SLC6A6: variants seen among roughly 807,000 people sequenced by gnomAD.
The protein encoded by SLC6A6 is solute carrier family 6 member 6.
Under a neutral mutation model 68.8 loss-of-function variants are expected in SLC6A6, and 16 were observed. That is an observed-to-expected ratio of 0.23 (90% CI 0.16 to 0.35). The LOEUF is 0.35. Ranked by LOEUF, SLC6A6 falls within the 10% of genes least tolerant of loss-of-function variation. SLC6A6 has a pLI of 1.00. For missense variants in SLC6A6, 474 were observed against 802.8 expected, an observed-to-expected ratio of 0.59 and a Z score of 4.95; for synonymous variants, 312 against 315.4, an observed-to-expected ratio of 0.99 and a Z score of 0.12.
chr3:14,485,314 G>T lies in SLC6A6; in HGVS notation c.*307G>T. 1 of 220,774 alleles carries T rather than the reference G, an allele frequency of 4.5e-6. No homozygotes were observed. Among genetic ancestry groups the T allele is most frequent in the Non-Finnish European group, 8.9e-6 (1 of 112,878 alleles). 13.7% of individuals were successfully genotyped at this position (220,774 alleles called of 1,614,324 possible). ...ATGGGAATTTGGTAAATTTTTCTTT[G>T]TATTTTTTTTTTTACATATAAGTAT... On this transcript the variant is annotated 3_prime_UTR_variant, in exon 15 of 15. Coordinates refer to ENST00000622186, the MANE Select transcript of SLC6A6 (RefSeq NM_003043.6).
intron 1 of SLC6A6, among the ~76,000 whole-genome samples, chr3:14,412,927 TC>T (rs1699281847): frequency 6.6e-6 from 1 of 152,178 alleles, no homozygotes; most frequent in Non-Finnish European, 1.5e-5. Context: ...CTGCCGGCAT[TC>T]GTGCTGGGCC....
chr3:14,478,050 C>T (rs527242994), intron 11 of SLC6A6, among the ~76,000 whole-genome samples: 116 of 152,158 alleles, frequency 7.6e-4, no homozygotes, highest in African/African-American at 2.6e-3. Flanking sequence ...AACAGTTCTC[C>T]GAAAACCCAA....
chr3:14,482,933 C>T (rs1007280971), intron 14 of SLC6A6, among the ~76,000 whole-genome samples: 1 of 152,146 alleles, frequency 6.6e-6, no homozygotes, highest in East Asian at 1.9e-4. Context: ...CACAATACTC[C>T]AGGCCAACCC....
At position 14,447,637 on chromosome 3, in the gene SLC6A6, C is replaced by T. The variant is rs376778697; in HGVS notation, c.420C>T (p.Val140=). ...IVSLLNVYYI[V]ILAWATYYLF... ...CCCTCCTGAATGTCTACTACATCGT[C>T]ATCCTGGCCTGGGCCACATACTACC... is the stretch of plus-strand genomic sequence containing the variant. Residue 140 remains valine, a synonymous_variant, in exon 5 of 15, where the codon GTC becomes GTT. Coordinates refer to ENST00000622186, the MANE Select transcript of SLC6A6 (RefSeq NM_003043.6). 2 of 1,614,264 alleles carry T rather than the reference C, an allele frequency of 1.2e-6. No homozygotes were observed. The highest frequency in any genetic ancestry group is 1.7e-5 in the Admixed American group (1 of 60,032).
In SLC6A6 at chr3:14,426,499, A is replaced by G. The variant is rs573343643; in HGVS notation, c.-12+10046A>G. On this transcript the variant is annotated intron_variant, in intron 2 of 14. Transcript: ENST00000622186. ...CATTTCGAGTGTGCTTTTAAGCCCC[A>G]TTAGACTCTAAGATGCTACACAGTC... Among the ~76,000 whole-genome samples the G allele has an allele frequency of 6.6e-4, 101 of 152,358 alleles. 1 individual carries two copies. Among genetic ancestry groups the G allele is most frequent in the African/African-American group, 2.0e-3 (83 of 41,574 alleles).
intron 2 of SLC6A6, among the ~76,000 whole-genome samples, chr3:14,434,965 A>AG (rs1699817958): frequency 6.6e-6 from 1 of 152,178 alleles, no homozygotes; most frequent in African/African-American, 2.4e-5. Context: ...TTATGAGGGG[A>AG]AGGTGACAAG....
chr3:14,452,277 C>T (rs1044106612), intron 5 of SLC6A6, among the ~76,000 whole-genome samples: 3 of 152,218 alleles, frequency 2.0e-5, no homozygotes, highest in African/African-American at 4.8e-5. Flanking sequence ...CACCTCTCCA[C>T]GCCCTCTTCT....
chr3:14,414,256 C>T (rs76652773), intron 1 of SLC6A6, among the ~76,000 whole-genome samples: 2,114 of 152,250 alleles, frequency 0.014, 46 homozygotes, highest in African/African-American at 0.048. Flanking sequence ...CCTTGTTTTT[C>T]CCCAATATTT....
chr3:14,459,175 C>T (rs531901956), intron 6 of SLC6A6, among the ~76,000 whole-genome samples: 11 of 152,308 alleles, frequency 7.2e-5, no homozygotes, highest in South Asian at 6.2e-4. Flanking sequence ...TCCCCAGTGA[C>T]TCACATCCCA....
At chr3:14,464,832 C>A (rs1336401234) in intron 6 of SLC6A6, among the ~76,000 whole-genome samples, 4 of 152,218 alleles carry the variant, frequency 2.6e-5, no homozygotes, top group African/African-American at 4.8e-5. Flanking sequence ...GTCCCCTGAT[C>A]CCCAGATGCG....
At chr3:14,415,713 C>T (rs186193869) in intron 1 of SLC6A6, among the ~76,000 whole-genome samples, 9 of 137,710 alleles carry the variant, frequency 6.5e-5, no homozygotes, top group African/African-American at 2.2e-4. Context: ...GACAACAGAA[C>T]CCCCCCGCTC....
intron 1 of SLC6A6, among the ~76,000 whole-genome samples, chr3:14,409,707 G>A (rs1345215326): frequency 6.6e-6 from 1 of 152,248 alleles, no homozygotes; most frequent in Non-Finnish European, 1.5e-5. Context: ...TTATGCCAAG[G>A]CAGGCCAAGG....
rs779820391 is a variant in SLC6A6, at chr3:14,466,590, C to A, written c.807C>A (p.Gly269=). ...VLLVRGLTLP[G]AGAGIKFYLY... ...TGGTCCGAGGGCTGACGCTGCCGGG[C>A]GCGGGCGCAGGCATCAAGTTCTATC... is the stretch of plus-strand genomic sequence containing the variant. Residue 269 remains glycine, a synonymous_variant, in exon 7 of 15, where the codon GGC becomes GGA. Transcript: ENST00000622186. 14 of 1,612,674 alleles carry A rather than the reference C, an allele frequency of 8.7e-6. No individual in the cohort carries two copies. Among genetic ancestry groups the A allele is most frequent in the South Asian group, 3.3e-5 (3 of 90,964 alleles).
chr3:14,443,599 G>A (rs1372735378), intron 2 of SLC6A6, 25 bp from the exon 3 acceptor site: 3 of 1,467,518 alleles, frequency 2.0e-6, no homozygotes, highest in Non-Finnish European at 2.8e-6. Context: ...TCAGCTGCAG[G>A]ATGCTTCTCT....
chr3:14,473,694 C>T (rs1700806199), intron 10 of SLC6A6, among the ~76,000 whole-genome samples: 1 of 152,196 alleles, frequency 6.6e-6, no homozygotes, highest in African/African-American at 2.4e-5. Flanking sequence ...CAAAATACTT[C>T]TGCAGTTGTT....
Position 14,441,419 on chromosome 3 carries a change from C to T in SLC6A6, c.-11-2205C>T, listed in dbSNP as rs369328268. ...ATTTTTACAGTAGCCATTGGCCTGT[C>T]GAATCCCGCGCCCGGCCCCGAGGGA... On this transcript the variant is annotated intron_variant, in intron 2 of 14. Transcript: ENST00000622186. Among the ~76,000 whole-genome samples the T allele has an allele frequency of 5.4e-4, 82 of 152,228 alleles. 3 individuals carry two copies. In the South Asian group the frequency reaches 0.016, roughly 30 times the overall value.
rs970980675 is a variant in SLC6A6, at chr3:14,481,938, C to G, written c.1722+97C>G. ...CGTGATCTCAGGCAAGTCACCTGCC[C>G]TCTCTGAGCCATAGTTCCCTCACCC... On this transcript the variant is annotated intron_variant, in intron 14 of 14. Coordinates refer to ENST00000622186, the MANE Select transcript of SLC6A6 (RefSeq NM_003043.6). This position sits in a 1 kb window ranked among gnomAD's most constrained non-coding sequence, Gnocchi z 4.7. 9.2e-6 allele frequency: 9 copies of G among 982,978 alleles called. No homozygotes were observed. Among genetic ancestry groups the G allele is most frequent in the African/African-American group, 1.6e-5 (1 of 61,894 alleles). The allele number at this position is 982,978 out of a possible 1,614,324, so 60.9% of individuals were successfully genotyped here. A position where few individuals can be genotyped will look rare whatever the true frequency, so the allele number is the denominator to read the frequency against.
At chr3:14,448,749 T>C (rs1442956620) in intron 5 of SLC6A6, among the ~76,000 whole-genome samples, 3 of 152,066 alleles carry the variant, frequency 2.0e-5, no homozygotes, top group Non-Finnish European at 4.4e-5. Context: ...ATCAGAAAGG[T>C]GGGATGTGGA....
intron 1 of SLC6A6, among the ~76,000 whole-genome samples, chr3:14,414,377 C>A (rs1253592928): frequency 3.3e-5 from 5 of 152,150 alleles, no homozygotes; most frequent in Admixed American, 3.3e-4. Flanking sequence ...ACGTGCCCAC[C>A]TAGGAGGAGG....
Sources: allele counts gnomAD v4.1 joint callset (sites outside exome capture counted in the v4.1 genomes callset), GRCh38; gene constraint gnomAD v4.1.1; non-coding constraint Gnocchi (gnomAD v3.1); transcripts MANE v1.5; gene names NCBI Gene and HGNC (gene_info 2026-07-23, HGNC 2026-07-21).